Variants in CDR2L observed in about 807,000 individuals in gnomAD.
CDR2L encodes the protein cerebellar degeneration-related protein 2-like.
CDR2L carries 19 observed loss-of-function variants against 36.1 expected under a neutral mutation model. The observed-to-expected ratio is 0.53, with a 90% CI of 0.37 to 0.77. The LOEUF (loss-of-function observed/expected upper bound fraction) is 0.77, where lower values mean the gene tolerates loss of function less well. Ranked by LOEUF, CDR2L falls within the 30% of genes least tolerant of loss-of-function variation. The pLI is 0.00. For synonymous variants in CDR2L, 285 were observed against 280.4 expected, an observed-to-expected ratio of 1.02 and a Z score of -0.16; for missense variants, 575 against 627.2, an observed-to-expected ratio of 0.92 and a Z score of 0.89.
At position 75,002,153 on chromosome 17, in the gene CDR2L, T is replaced by A; in HGVS notation, c.431T>A (p.Val144Glu). ...CTGAGAGGCCTGGAACAGCTGCGAG[T>A]GCTCCGGGAGAAGCGGGAACGCAGG... Reference protein sequence around the residue: ...EQLRGLEQLRVLREKRERRRT... With the variant: ...EQLRGLEQLRELREKRERRRT... The change falls in exon 4 of 5, where the codon GTG (valine) becomes GAG (glutamate). Residue 144 changes from valine (V) to glutamate (E), a missense_variant. Physicochemically the swap from Val to Glu is moderately radical, Grantham distance 121. Coordinates refer to ENST00000337231, the MANE Select transcript of CDR2L (RefSeq NM_014603.3). This position sits in a 1 kb window ranked among gnomAD's most constrained non-coding sequence, Gnocchi z 4.1. 2 of 1,606,924 alleles carry A rather than the reference T, an allele frequency of 1.2e-6. No individual in the cohort carries two copies. Among genetic ancestry groups the A allele is most frequent in the Non-Finnish European group, 1.7e-6 (2 of 1,177,022 alleles).
intron 4 of CDR2L, among the ~76,000 whole-genome samples, 167 bp from the exon 5 acceptor site, chr17:75,003,016 G>T (rs1010891512): frequency 4.6e-5 from 7 of 152,236 alleles, no homozygotes. Flanking sequence ...AGAGCAGGGG[G>T]AGAAGGGTGG....
chr17:75,004,251 C>T lies in CDR2L; in HGVS notation c.*177C>T. ...GAGCGGAGGCAGCCCACCTGTCCTG[C>T]CTCCCAGGAGCCCTTGGCCACCTCG... On this transcript the variant is annotated 3_prime_UTR_variant, in exon 5 of 5. Coordinates refer to ENST00000337231, the MANE Select transcript of CDR2L (RefSeq NM_014603.3). The T allele has an allele frequency of 3.3e-6, 2 of 603,158 alleles. No individual in the cohort carries two copies. The highest frequency in any genetic ancestry group is 5.7e-6 in the Non-Finnish European group (2 of 349,504). The allele number at this position is 603,158 out of a possible 1,614,324, so 37.4% of individuals were successfully genotyped here.
chr17:75,003,809 G>T lies in CDR2L; in HGVS notation c.1133G>T (p.Gly378Val). ...EELLSKCRQH[G>V]AGVRHAGVQT... Reference sequence around the variant, plus strand: ...CTGCTGAGCAAGTGCCGGCAGCACGGGGCCGGAGTGCGGCACGCCGGCGTG... The same window carrying T: ...CTGCTGAGCAAGTGCCGGCAGCACGTGGCCGGAGTGCGGCACGCCGGCGTG... Residue 378 changes from glycine to valine, a missense_variant, in exon 5 of 5, where the codon GGG (glycine) becomes GTG (valine). Transcript: ENST00000337231. The T allele has an allele frequency of 6.5e-7, 1 of 1,548,016 alleles. No homozygotes were observed. The highest frequency in any genetic ancestry group is 2.0e-5 in the Admixed American group (1 of 50,296).
At chr17:74,995,651 C>T (rs1218012266) in intron 1 of CDR2L, among the ~76,000 whole-genome samples, 1 of 152,132 alleles carries the variant, frequency 6.6e-6, no homozygotes, top group African/African-American at 2.4e-5. Context: ...ACCACAGGCA[C>T]ATGCCACCAC....
chr17:74,987,897 C>G lies in CDR2L; in HGVS notation c.-147C>G. On this transcript the variant is annotated 5_prime_UTR_variant, in exon 1 of 5. Transcript: ENST00000337231. Reference sequence around the variant, plus strand: ...AGGCCCCGCGTGGGCTCCCGGCGAGCGGTTGATGGCGAGGGGGCGCGGCGC... The same window carrying G: ...AGGCCCCGCGTGGGCTCCCGGCGAGGGGTTGATGGCGAGGGGGCGCGGCGC... 2.9e-6 allele frequency: 1 copy of G among 340,956 alleles called. No homozygotes were observed. Among genetic ancestry groups the G allele is most frequent in the Non-Finnish European group, 5.3e-6 (1 of 188,080 alleles). 21.1% of individuals were successfully genotyped at this position (340,956 alleles called of 1,614,324 possible). A position where few individuals can be genotyped will look rare whatever the true frequency, so the allele number is the denominator to read the frequency against.
At chr17:75,000,756 T>C (rs2039861045) in intron 2 of CDR2L, among the ~76,000 whole-genome samples, 1 of 150,118 alleles carries the variant, frequency 6.7e-6, no homozygotes, top group East Asian at 2.0e-4. Context: ...CTACTAAAAA[T>C]GCAAAAAATT....
At chr17:74,992,380 G>A (rs1210399347) in intron 1 of CDR2L, among the ~76,000 whole-genome samples, 1 of 150,690 alleles carries the variant, frequency 6.6e-6, no homozygotes, top group Non-Finnish European at 1.5e-5. Context: ...CTTTTGACCT[G>A]CACAGTTCAA....
chr17:74,990,603 G>A (rs754418925), intron 1 of CDR2L, among the ~76,000 whole-genome samples: 3 of 152,236 alleles, frequency 2.0e-5, no homozygotes, highest in African/African-American at 4.8e-5. Context: ...CCCCAGGAGA[G>A]GGAGGGAAGA....
rs1443304930 is a variant in CDR2L, at chr17:74,989,898, C to T, written c.79+1776C>T. Among the ~76,000 whole-genome samples the T allele has an allele frequency of 3.9e-5, 6 of 152,224 alleles. No individual in the cohort carries two copies. Among genetic ancestry groups the T allele is most frequent in the African/African-American group, 7.2e-5 (3 of 41,534 alleles). ...AGATGATCCACCCGCCTTGGCCTCC[C>T]GAAGTGCTGGGATTACAGGCGTGAG... On this transcript the variant is annotated intron_variant, in intron 1 of 4. Transcript: ENST00000337231. This position sits in a 1 kb window ranked among gnomAD's most constrained non-coding sequence, Gnocchi z 4.2.
rs1304343143 is a variant in CDR2L at position 75,004,349 on chromosome 17, CA to C, written c.*276del. 2.6e-6 allele frequency: 1 copy of C among 389,368 alleles called. No homozygotes were observed. The highest frequency in any genetic ancestry group is 4.6e-6 in the Non-Finnish European group (1 of 217,474). 24.1% of individuals were successfully genotyped at this position (389,368 alleles called of 1,614,324 possible). A position where few individuals can be genotyped will look rare whatever the true frequency, so the allele number is the denominator to read the frequency against. ...TACCCCAGGGATCCCCCAGCTCCCC[CA>C]GCCCCTGGCTTCCTGACCCTGCGCC... On this transcript the variant is annotated 3_prime_UTR_variant, in exon 5 of 5. Transcript: ENST00000337231.
chr17:74,998,239 T>C (rs1423280939), intron 1 of CDR2L, among the ~76,000 whole-genome samples: 1 of 151,818 alleles, frequency 6.6e-6, no homozygotes, highest in Non-Finnish European at 1.5e-5. Flanking sequence ...AAAAAAACAT[T>C]GTACTATTCC....
At position 74,987,923 on chromosome 17, in the gene CDR2L, G is replaced by C. The variant is rs2144852813; in HGVS notation, c.-121G>C. ...GGTTGATGGCGAGGGGGCGCGGCGC[G>C]GGCTCTGTAGCCCGAGTTCCCGACG... On this transcript the variant is annotated 5_prime_UTR_variant, in exon 1 of 5. Transcript: ENST00000337231. 1 of 408,468 alleles carries C rather than the reference G, an allele frequency of 2.4e-6. No homozygotes were observed. Among genetic ancestry groups the C allele is most frequent in the East Asian group, 4.5e-5 (1 of 22,056 alleles). 25.3% of individuals were successfully genotyped at this position (408,468 alleles called of 1,614,324 possible). A position where few individuals can be genotyped will look rare whatever the true frequency, so the allele number is the denominator to read the frequency against.
At chr17:74,998,522 G>GA (rs61311045) in intron 1 of CDR2L, among the ~76,000 whole-genome samples, 7,441 of 147,464 alleles carry the variant, frequency 0.05, 603 homozygotes, top group African/African-American at 0.17. Context: ...TCCCTTAAAA[G>GA]AAAAAAAAAA....
chr17:75,005,763 C>A lies in CDR2L; in HGVS notation c.*1689C>A, dbSNP rs979349808. 1 of 152,598 alleles carries A rather than the reference C, an allele frequency of 6.6e-6. No individual in the cohort carries two copies. Among genetic ancestry groups the A allele is most frequent in the African/African-American group, 2.4e-5 (1 of 41,424 alleles). The allele number at this position is 152,598 out of a possible 1,614,324, so 9.5% of individuals were successfully genotyped here. A position where few individuals can be genotyped will look rare whatever the true frequency, so the allele number is the denominator to read the frequency against. On this transcript the variant is annotated 3_prime_UTR_variant, in exon 5 of 5. Coordinates refer to ENST00000337231, the MANE Select transcript of CDR2L (RefSeq NM_014603.3). This position sits in a 1 kb window ranked among gnomAD's most constrained non-coding sequence, Gnocchi z 4.2. ...ATATTTACAAATGCTTTATTCTCTT[C>A]TTTAATAAAAAATGCACCAGTATTC... is the stretch of plus-strand genomic sequence containing the variant.
intron 1 of CDR2L, among the ~76,000 whole-genome samples, chr17:74,997,061 TTTCTTTCTTTCTTTCTTTCTTTC>T (rs1459964975): frequency 1.0e-3 from 7 of 6,866 alleles, no homozygotes; most frequent in East Asian, 0.11. Context: ...TCTTTCTTTC[TTTCTTTCTTTCTTTCTTTCTTTC>T]TTTTTTTTTT....
rs1206621282 is a variant in CDR2L, at chr17:75,003,320, G to C, written c.644G>C (p.Arg215Pro). The C allele has an allele frequency of 1.3e-6, 2 of 1,555,186 alleles. No individual in the cohort carries two copies. The highest frequency in any genetic ancestry group is 1.2e-5 in the South Asian group (1 of 84,300). Residue 215 changes from arginine (R) to proline (P), a missense_variant, in exon 5 of 5, where the codon CGG (arginine) becomes CCG (proline). Coordinates refer to ENST00000337231, the MANE Select transcript of CDR2L (RefSeq NM_014603.3). ...QVSQERQRKE[R>P]AEREYTAVLQ... ...AGCCAGGAGCGGCAGCGCAAGGAGC[G>C]GGCGGAGCGCGAGTACACCGCGGTG... is the stretch of plus-strand genomic sequence containing the variant.
At chr17:74,993,024 A>G (rs1311556447) in intron 1 of CDR2L, among the ~76,000 whole-genome samples, 6 of 152,234 alleles carry the variant, frequency 3.9e-5, no homozygotes, top group East Asian at 1.9e-4. Context: ...GGCAGGAGGT[A>G]GAATCAGTAG....
intron 1 of CDR2L, among the ~76,000 whole-genome samples, chr17:74,997,107 C>G (rs1357091929): frequency 8.3e-6 from 1 of 121,144 alleles, no homozygotes; most frequent in East Asian, 2.5e-4. Flanking sequence ...GAGACTGAGT[C>G]TCGCTCTGTT....
chr17:74,998,877 G>A (rs1206954844), intron 1 of CDR2L, among the ~76,000 whole-genome samples: 2 of 152,200 alleles, frequency 1.3e-5, no homozygotes, highest in Non-Finnish European at 2.9e-5. Flanking sequence ...GGCCAGCAGT[G>A]GGGCTGGGAG....
Sources: allele counts gnomAD v4.1 joint callset (sites outside exome capture counted in the v4.1 genomes callset), GRCh38; gene constraint gnomAD v4.1.1; non-coding constraint Gnocchi (gnomAD v3.1); transcripts MANE v1.5; gene names NCBI Gene and HGNC (gene_info 2026-07-23, HGNC 2026-07-21).